Variants in OTOF observed in about 807,000 individuals in gnomAD.
OTOF encodes fer-1-like family member 2.
A neutral mutation model predicts 236.8 loss-of-function variants in OTOF; 218 were observed. The ratio of observed to expected loss-of-function variants is 0.92; its 90% CI spans 0.82 to 1.03. OTOF has a LOEUF of 1.03. OTOF is among the 50% of genes least tolerant of loss of function. The pLI is 0.00. For missense variants in OTOF, 2,590 were observed against 2,694.4 expected, an observed-to-expected ratio of 0.96 and a Z score of 0.86; for synonymous variants, 1,041 against 1,072.5, an observed-to-expected ratio of 0.97 and a Z score of 0.57.
intron 11 of OTOF, among the ~76,000 whole-genome samples, chr2:26,488,803 G>A (rs771946787): frequency 6.6e-6 from 1 of 152,222 alleles, no homozygotes; most frequent in African/African-American, 2.4e-5. Flanking sequence ...TGCTCAGCAG[G>A]TGCCAGCCCA....
rs186234392 is a variant in OTOF at position 26,492,501 on chromosome 2, A to T, written c.897+2441T>A. 8.1e-4 allele frequency among the ~76,000 whole-genome samples: 123 copies of T among 152,350 alleles called. 1 individual carries two copies. Among genetic ancestry groups the T allele is most frequent in the African/African-American group, 2.9e-3 (120 of 41,576 alleles). ...CTTAGAGGAAGTAAATAGGGAATTTAGAAAGATTCTAGGCTGAAACAAGGA... is the reference window on the plus strand; with the variant it reads ...CTTAGAGGAAGTAAATAGGGAATTTTGAAAGATTCTAGGCTGAAACAAGGA... On this transcript the variant is annotated intron_variant, in intron 9 of 46. Coordinates refer to ENST00000272371, the MANE Select transcript of OTOF (RefSeq NM_194248.3).
intron 3 of OTOF, among the ~76,000 whole-genome samples, chr2:26,521,964 C>T (rs1666686742): frequency 1.3e-5 from 2 of 152,202 alleles, no homozygotes; most frequent in Admixed American, 6.5e-5. Flanking sequence ...ATGAGCAGGG[C>T]TGGCCATCTG....
chr2:26,476,947 T>A lies in OTOF; in HGVS notation c.2620A>T (p.Ile874Phe), dbSNP rs748223435. The change falls in exon 22 of 47, where the codon ATC (isoleucine) becomes TTC (phenylalanine). Residue 874 changes from isoleucine (I) to phenylalanine (F), a missense_variant. Around this residue, in one of 2 missense-constraint regions of OTOF, gnomAD observed 1,379 missense variants for 1,341.6 expected, o/e 1.03. Transcript: ENST00000272371. ...TCCTTGCCAGTCTCCTCCTCCACGA[T>A]GGAGAAGAGCAGGTCCTTGGAGGGC... ...RVPSKDLLFS[I>F]VEEETGKDCA... is the part of the protein sequence containing the mutation. 1.2e-6 allele frequency: 2 copies of A among 1,610,392 alleles called. No homozygotes were observed. Among genetic ancestry groups the A allele is most frequent in the East Asian group, 2.2e-5 (1 of 44,756 alleles).
At chr2:26,557,509 C>T (rs569349023) in intron 1 of OTOF, among the ~76,000 whole-genome samples, 27 of 152,282 alleles carry the variant, frequency 1.8e-4, no homozygotes, top group African/African-American at 6.5e-4. Context: ...CCAGCCTCGC[C>T]TCCTTGCCCT....
rs373864355 is a variant in OTOF, at chr2:26,479,612, G to T, written c.1954C>A (p.Arg652=). 7 of 1,612,546 alleles carry T rather than the reference G, an allele frequency of 4.3e-6. No individual in the cohort carries two copies. Among genetic ancestry groups the T allele is most frequent in the South Asian group, 2.2e-5 (2 of 91,078 alleles). The change falls in exon 17 of 47, where the codon CGG becomes AGG. Residue 652 remains arginine (R), a synonymous_variant. Coordinates refer to ENST00000272371, the MANE Select transcript of OTOF (RefSeq NM_194248.3). ...NEVDGLSRPQ[R]PRPRKEPGDE... ...CCCGGCTCCTTCCGGGGCCGAGGCC[G>T]CTGGGGCCGGGACAGGCCATCAACT... is the stretch of plus-strand genomic sequence containing the variant.
chr2:26,551,512 G>A (rs1667462484), intron 1 of OTOF, among the ~76,000 whole-genome samples: 1 of 152,158 alleles, frequency 6.6e-6, no homozygotes, highest in Non-Finnish European at 1.5e-5. Flanking sequence ...CCCATCCTGG[G>A]CTAAGTGGGT....
rs1483669666 is a variant in OTOF, at chr2:26,468,441, A to G, written c.4057T>C (p.Leu1353=). 3 of 1,613,994 alleles carry G rather than the reference A, an allele frequency of 1.9e-6. No individual in the cohort carries two copies. Among genetic ancestry groups the G allele is most frequent in the African/African-American group, 2.7e-5 (2 of 74,890 alleles). Residue 1353 remains leucine, a synonymous_variant, in exon 33 of 47, where the codon TTG becomes CTG. Transcript: ENST00000272371. ...TTGTCCACTTCCTCCTTCTCCTCCAAGTCAATTCCAGAGGGCTCTTGTTGT... is the reference window on the plus strand; with the variant it reads ...TTGTCCACTTCCTCCTTCTCCTCCAGGTCAATTCCAGAGGGCTCTTGTTGT... ...LRQQEPSGID[L]EEKEEVDNTE...
intron 2 of OTOF, among the ~76,000 whole-genome samples, chr2:26,533,655 C>G (rs1667002119): frequency 6.6e-6 from 1 of 152,042 alleles, no homozygotes; most frequent in Admixed American, 6.6e-5. Context: ...TCATCTGTGC[C>G]TTGCCTGCTT....
At chr2:26,463,943 T>G (rs752966780) in intron 40 of OTOF, 21 bp downstream of exon 40, 2 of 1,612,284 alleles carry the variant, frequency 1.2e-6, no homozygotes, top group South Asian at 2.2e-5. Flanking sequence ...AGAACCCCAG[T>G]CTTGGCCATG....
chr2:26,516,744 C>T, intron 4 of OTOF, 145 bp from the exon 5 acceptor site: 1 of 836,830 alleles, frequency 1.2e-6, no homozygotes, highest in Non-Finnish European at 2.0e-6. Context: ...CCCCTCTGCC[C>T]CATTTTGCTG....
intron 15 of OTOF, 99 bp downstream of exon 15, chr2:26,480,687 G>C (rs998750154): frequency 1.0e-6 from 1 of 985,158 alleles, no homozygotes; most frequent in Non-Finnish European, 1.6e-6. Context: ...TCCTCAGGTA[G>C]ACAGGGCAGC....
chr2:26,494,362 C>T (rs1665923483), intron 9 of OTOF, among the ~76,000 whole-genome samples: 1 of 152,242 alleles, frequency 6.6e-6, no homozygotes. Flanking sequence ...GAAGTTTAGG[C>T]AACCATGAAG....
At chr2:26,495,688 A>C (rs1035688832) in intron 8 of OTOF, among the ~76,000 whole-genome samples, 1 of 151,928 alleles carries the variant, frequency 6.6e-6, no homozygotes, top group Non-Finnish European at 1.5e-5. Context: ...GGCCTCCCAA[A>C]GTGCTGGAAT....
At chr2:26,458,587 T>C (rs891168831) in intron 46 of OTOF, among the ~76,000 whole-genome samples, 1 of 152,158 alleles carries the variant, frequency 6.6e-6, no homozygotes, top group Admixed American at 6.5e-5. Flanking sequence ...TCTTCCTTTC[T>C]GATGGACATA....
At position 26,465,775 on chromosome 2, in the gene OTOF, G is replaced by A. The variant is rs1375437364; in HGVS notation, c.4696C>T (p.Leu1566=). ...MLTVAVYDWD[L]VGTDDLIGET... Reference sequence around the variant, plus strand: ...CCAATGAGGTCATCAGTGCCCACCAGGTCCCAGTCATACACAGCCACCGTC... The same window carrying A: ...CCAATGAGGTCATCAGTGCCCACCAAGTCCCAGTCATACACAGCCACCGTC... The change falls in exon 38 of 47, where the codon CTG becomes TTG. Residue 1566 remains leucine, a synonymous_variant. Coordinates refer to ENST00000272371, the MANE Select transcript of OTOF (RefSeq NM_194248.3). 3.1e-6 allele frequency: 5 copies of A among 1,614,246 alleles called. No individual in the cohort carries two copies. The South Asian group carries it at 5.5e-5, about 18-fold the overall frequency.
chr2:26,461,628 C>T lies in OTOF; in HGVS notation c.5533+68G>A. On this transcript the variant is annotated intron_variant, in intron 43 of 46. Transcript: ENST00000272371. This position sits in a 1 kb window ranked among gnomAD's most constrained non-coding sequence, Gnocchi z 6.2. ...CCCCAAGGCAGGGCTCTCCCTGTCC[C>T]CGCCAACCCGGCCCCTGCCTCTTCT... The T allele has an allele frequency of 1.2e-6, 2 of 1,602,822 alleles. No individual in the cohort carries two copies. Among genetic ancestry groups the T allele is most frequent in the Non-Finnish European group, 1.7e-6 (2 of 1,177,178 alleles).
In OTOF at chr2:26,477,138, G is replaced by C. The variant is rs1175420159; in HGVS notation, c.2523+34C>G. ...TGAGGGGCCCCAGAGAGCCAGCCCT[G>C]GATGAGGCAAAGCCCCGACCCCTTG... On this transcript the variant is annotated intron_variant, in intron 21 of 46. Transcript: ENST00000272371. The surrounding 1 kb of genome is among the most constrained non-coding windows in gnomAD (Gnocchi z 4.7). The C allele has an allele frequency of 6.3e-7, 1 of 1,595,476 alleles. No homozygotes were observed. The highest frequency in any genetic ancestry group is 1.7e-5 in the Admixed American group (1 of 59,658).
intron 2 of OTOF, among the ~76,000 whole-genome samples, chr2:26,534,192 C>A (rs1667013640): frequency 6.6e-6 from 1 of 152,188 alleles, no homozygotes; most frequent in African/African-American, 2.4e-5. Context: ...AAGCTCTCAG[C>A]CCATCTTGCC....
Position 26,551,224 on chromosome 2 carries a change from A to C in OTOF, c.79+7269T>G, listed in dbSNP as rs573297228. Among the ~76,000 whole-genome samples the C allele has an allele frequency of 3.2e-4, 49 of 152,304 alleles. 1 individual carries two copies. The South Asian group carries it at 9.9e-3, about 31-fold the overall frequency. ...AGGCTGGTCTCAAACTCCTGCCCTC[A>C]AATGATCCCCCCCGCCTTGGCCTCC... On this transcript the variant is annotated intron_variant, in intron 1 of 46. Transcript: ENST00000272371.
Sources: gnomAD v4.1 joint callset for allele counts (sites outside exome capture counted in the v4.1 genomes callset) on GRCh38, gnomAD v4.1.1 for gene constraint, gnomAD v4.1.1 regional missense constraint, Gnocchi (gnomAD v3.1) non-coding constraint, MANE v1.5 for transcripts, NCBI Gene and HGNC (gene_info 2026-07-23, HGNC 2026-07-21) for gene names.